The following GLT1D1 variants were observed in gnomAD, a reference collection of about 807,000 sequenced individuals.
GLT1D1 encodes glycosyltransferase 1 domain containing 1, also known as glycosyltransferase 1 domain-containing protein 1.
Under a neutral mutation model 28.7 loss-of-function variants are expected in GLT1D1, and 21 were observed. The ratio of observed to expected loss-of-function variants is 0.73; its 90% CI spans 0.52 to 1.05. GLT1D1 has a LOEUF of 1.05. Ranked by LOEUF, GLT1D1 falls within the 50% of genes least tolerant of loss-of-function variation. GLT1D1 has a pLI of 0.00. For missense variants in GLT1D1, 343 were observed against 330.6 expected, an observed-to-expected ratio of 1.04 and a Z score of -0.29; for synonymous variants, 147 against 124.8, an observed-to-expected ratio of 1.18 and a Z score of -1.19.
intron 4 of GLT1D1, among the ~76,000 whole-genome samples, chr12:128,900,537 A>G (rs1247276262): frequency 6.6e-6 from 1 of 152,142 alleles, no homozygotes; most frequent in African/African-American, 2.4e-5. Context: ...CAGGCAGAGC[A>G]TGGAGGTTGT....
chr12:128,966,287 T>C (rs602163), intron 7 of GLT1D1, among the ~76,000 whole-genome samples: 106,756 of 152,108 alleles, frequency 0.7, 37,580 homozygotes, highest in Admixed American at 0.78. Flanking sequence ...CAGGGGTGGC[T>C]GGCTGCACTT....
intron 2 of GLT1D1, among the ~76,000 whole-genome samples, chr12:128,880,426 G>T (rs1957005884): frequency 6.6e-6 from 1 of 152,126 alleles, no homozygotes; most frequent in South Asian, 2.1e-4. Flanking sequence ...ATTCCTAGTT[G>T]TTGTCCATAT....
intron 5 of GLT1D1, among the ~76,000 whole-genome samples, chr12:128,945,803 G>A (rs992986763): frequency 1.3e-5 from 2 of 152,186 alleles, no homozygotes; most frequent in Admixed American, 6.5e-5. Context: ...GAGCAAAACG[G>A]AGGCTTCCCT....
At chr12:128,889,700 C>T (rs891666364) in intron 3 of GLT1D1, among the ~76,000 whole-genome samples, 1 of 152,194 alleles carries the variant, frequency 6.6e-6, no homozygotes, top group Non-Finnish European at 1.5e-5. Context: ...CGGACTAGCC[C>T]AAGACAGAAA....
At chr12:128,877,136 CA>C (rs1956887316) in intron 2 of GLT1D1, among the ~76,000 whole-genome samples, 1 of 152,152 alleles carries the variant, frequency 6.6e-6, no homozygotes, top group African/African-American at 2.4e-5. Context: ...TTAACACTCA[CA>C]AGACCCATCT....
intron 4 of GLT1D1, chr12:128,944,798 A>G (rs1875795544): frequency 4.5e-6 from 1 of 222,564 alleles, no homozygotes; most frequent in Admixed American, 5.8e-5. Context: ...GTCAATTTAT[A>G]TATATATGTA....
chr12:128,912,158 T>C (rs1194366200), intron 4 of GLT1D1, among the ~76,000 whole-genome samples: 1 of 152,162 alleles, frequency 6.6e-6, no homozygotes, highest in Non-Finnish European at 1.5e-5. Context: ...AATTGCAAAA[T>C]TGCATTAGGC....
intron 4 of GLT1D1, among the ~76,000 whole-genome samples, chr12:128,903,068 C>T (rs1034589704): frequency 1.3e-5 from 2 of 151,516 alleles, no homozygotes; most frequent in Non-Finnish European, 2.9e-5. Context: ...GAAGCATGCT[C>T]CTTTTCCATG....
At chr12:128,961,984 C>T (rs1334470091) in intron 7 of GLT1D1, among the ~76,000 whole-genome samples, 5 of 152,152 alleles carry the variant, frequency 3.3e-5, no homozygotes, top group Non-Finnish European at 7.4e-5. Context: ...CCCTTCCTGA[C>T]ACTTGTGTCC....
At chr12:128,927,395 T>C (rs917396616) in intron 4 of GLT1D1, among the ~76,000 whole-genome samples, 1 of 151,996 alleles carries the variant, frequency 6.6e-6, no homozygotes, top group Non-Finnish European at 1.5e-5. Flanking sequence ...CCCACCACCA[T>C]GCCTGGCTAA....
intron 5 of GLT1D1, 162 bp from the exon 10 acceptor site, chr12:128,947,176 A>C: frequency 1.4e-6 from 1 of 728,688 alleles, no homozygotes; most frequent in South Asian, 1.8e-5. Context: ...CATGAGCTGT[A>C]AGGATTTCCA....
intron 4 of GLT1D1, among the ~76,000 whole-genome samples, chr12:128,938,484 GC>G (rs1316769518): frequency 6.6e-6 from 1 of 152,160 alleles, no homozygotes; most frequent in Non-Finnish European, 1.5e-5. Flanking sequence ...CCAATCCTTT[GC>G]GTTAAATCTC....
chr12:128,949,866 A>G (rs1249010845), intron 6 of GLT1D1, among the ~76,000 whole-genome samples: 4 of 152,070 alleles, frequency 2.6e-5, no homozygotes, highest in African/African-American at 4.8e-5. Context: ...ACGTGTACGC[A>G]CACACACACG....
chr12:128,874,092 C>CTTTCTTTG (rs1470386666), intron 1 of GLT1D1, among the ~76,000 whole-genome samples: 1 of 22,202 alleles, frequency 4.5e-5, no homozygotes, highest in African/African-American at 1.7e-4. Context: ...TTCTTTCTTT[C>CTTTCTTTG]TTTCTTTCTC....
rs1565934016 is a variant in GLT1D1, at chr12:128,984,443, G to A, written c.*1353G>A. On this transcript the variant is annotated 3_prime_UTR_variant, in exon 8 of 8. Coordinates refer to ENST00000281703, the MANE Select transcript of GLT1D1 (RefSeq NM_144669.3). The stretch of plus-strand genomic sequence containing the variant: ...TGAGAACAACTAGCTTGGATCTCGT[G>A]CCGTGTAATTCAATGTTTCATTCCG... 1 of 152,148 alleles carries A rather than the reference G, an allele frequency of 6.6e-6. No individual in the cohort carries two copies. Among genetic ancestry groups the A allele is most frequent in the Non-Finnish European group, 1.5e-5 (1 of 68,024 alleles). 9.4% of individuals were successfully genotyped at this position (152,148 alleles called of 1,614,324 possible). A position where few individuals can be genotyped will look rare whatever the true frequency, so the allele number is the denominator to read the frequency against.
At chr12:128,861,279 G>A (rs1956363401) in intron 1 of GLT1D1, among the ~76,000 whole-genome samples, 1 of 152,176 alleles carries the variant, frequency 6.6e-6, no homozygotes, top group African/African-American at 2.4e-5. Context: ...CTCAGGGGCA[G>A]AATGGAGTAG....
chr12:128,964,445 C>G (rs535633108), intron 7 of GLT1D1, among the ~76,000 whole-genome samples: 1 of 152,210 alleles, frequency 6.6e-6, no homozygotes. Context: ...AAGACCTCAC[C>G]TCCTGCCGTC....
chr12:128,947,413 G>T lies in GLT1D1; in HGVS notation c.495G>T (p.Val165=). The T allele has an allele frequency of 1.9e-6, 3 of 1,614,152 alleles. No individual in the cohort carries two copies. The highest frequency in any genetic ancestry group is 1.7e-6 in the Non-Finnish European group (2 of 1,180,028). The stretch of plus-strand genomic sequence containing the variant: ...CGGTGGTGAAGAATTGCTTCGCGGT[G>T]GTGAATAGCTCTGTCTCTGAAGGCA... The change falls in exon 6 of 8, where the codon GTG becomes GTT. Residue 165 remains valine (V), a synonymous_variant. Transcript: ENST00000281703.
intron 1 of GLT1D1, among the ~76,000 whole-genome samples, chr12:128,870,391 C>T (rs141414410): frequency 1.4e-3 from 211 of 152,266 alleles, no homozygotes; most frequent in East Asian, 0.012. Context: ...GAGTCAGGCG[C>T]GCACACATAG....
Sources: allele counts gnomAD v4.1 joint callset (sites outside exome capture counted in the v4.1 genomes callset), GRCh38; gene constraint gnomAD v4.1.1; transcripts MANE v1.5; gene names NCBI Gene and HGNC (gene_info 2026-07-23, HGNC 2026-07-21).